ERMP1: variants seen among roughly 807,000 people sequenced by gnomAD.
The protein encoded by ERMP1 is endoplasmic reticulum metallopeptidase 1, also known as Felix-ina.
ERMP1 carries 86 observed loss-of-function variants against 92.0 expected under a neutral mutation model. The ratio of observed to expected loss-of-function variants is 0.93; its 90% CI spans 0.79 to 1.12. The LOEUF (loss-of-function observed/expected upper bound fraction) is 1.12. ERMP1 is among the 50% of genes most tolerant of loss of function. The pLI is 0.00. For synonymous variants in ERMP1, 530 were observed against 412.8 expected (o/e 1.28, Z -3.44); for missense variants, 1,342 against 1,116.3 (o/e 1.20, Z -2.88).
chr9:5,816,513 T>TGC (rs574246932), intron 4 of ERMP1, among the ~76,000 whole-genome samples: 3 of 152,242 alleles, frequency 2.0e-5, no homozygotes, highest in Middle Eastern at 3.2e-3. Context: ...GGATTCAGTT[T>TGC]GCTAATACTT....
At chr9:5,808,114 T>C (rs939213837) in intron 8 of ERMP1, among the ~76,000 whole-genome samples, 1 of 152,200 alleles carries the variant, frequency 6.6e-6, no homozygotes, top group African/African-American at 2.4e-5. Context: ...TAAGCCACCA[T>C]GCCCAGTCTC....
chr9:5,799,877 ACCT>A (rs1828602807), intron 11 of ERMP1, among the ~76,000 whole-genome samples: 1 of 152,086 alleles, frequency 6.6e-6, no homozygotes, highest in African/African-American at 2.4e-5. Flanking sequence ...AACACACTGA[ACCT>A]CCTAAAAAAA....
chr9:5,836,726 T>G (rs13291408), upstream of ERMP1, among the ~76,000 whole-genome samples: 3,020 of 152,240 alleles, frequency 0.02, 33 homozygotes, highest in Non-Finnish European at 0.025. Context: ...AGCTCTGAAA[T>G]GGAACATTCA....
intron 7 of ERMP1, 39 bp from the exon 8 acceptor site, chr9:5,810,270 C>T (rs887802632): frequency 6.7e-7 from 1 of 1,484,888 alleles, no homozygotes; most frequent in South Asian, 1.1e-5. Flanking sequence ...TCACCATCTT[C>T]ATCAAATCAG....
Position 5,832,904 on chromosome 9 carries a change from C to T in ERMP1, c.124G>A (p.Gly42Arg). ...EARAQEPLVDGCSGGGRTRKR... is the reference protein window; with the variant it reads ...EARAQEPLVDRCSGGGRTRKR... Reference sequence around the variant, plus strand: ...CGCGTCCTCCCGCCGCCGCTGCACCCATCCACCAGAGGCTCCTGCGCTCGG... The same window carrying T: ...CGCGTCCTCCCGCCGCCGCTGCACCTATCCACCAGAGGCTCCTGCGCTCGG... Residue 42 changes from glycine (G) to arginine (R), a missense_variant, in exon 1 of 15, where the codon GGG becomes AGG. Physicochemically the swap from Gly to Arg is moderately radical, Grantham distance 125. Transcript: ENST00000339450. 3 of 1,559,388 alleles carry T rather than the reference C, an allele frequency of 1.9e-6. No individual in the cohort carries two copies. Among genetic ancestry groups the T allele is most frequent in the Non-Finnish European group, 2.6e-6 (3 of 1,163,366 alleles).
rs756748361 is a variant in ERMP1 at position 5,833,010 on chromosome 9, C to G, written c.18G>C (p.Glu6Asp). 6.5e-7 allele frequency: 1 copy of G among 1,550,250 alleles called. No individual in the cohort carries two copies. Among genetic ancestry groups the G allele is most frequent in the Non-Finnish European group, 8.6e-7 (1 of 1,158,934 alleles). MEWGS[E>D]SAAVRRHRVG... Reference sequence around the variant, plus strand: ...CGCGGTGCCGCCTCACAGCAGCCGACTCAGAACCCCACTCCATGGCCACGA... The same window carrying G: ...CGCGGTGCCGCCTCACAGCAGCCGAGTCAGAACCCCACTCCATGGCCACGA... The change falls in exon 1 of 15, where the codon GAG (glutamate) becomes GAC (aspartate). Residue 6 changes from glutamate to aspartate, a missense_variant. By Grantham distance (45) the Glu-to-Asp change is conservative. Coordinates refer to ENST00000339450, the MANE Select transcript of ERMP1 (RefSeq NM_024896.3).
chr9:5,813,666 G>C (rs1288747301), intron 4 of ERMP1, among the ~76,000 whole-genome samples: 1 of 151,896 alleles, frequency 6.6e-6, no homozygotes, highest in South Asian at 2.1e-4. Flanking sequence ...TTTCAGATTA[G>C]GGATGCTCAA....
chr9:5,794,398 A>T (rs1224399355), intron 13 of ERMP1, among the ~76,000 whole-genome samples: 1 of 152,118 alleles, frequency 6.6e-6, no homozygotes, highest in Non-Finnish European at 1.5e-5. Context: ...GAACAAATTA[A>T]ATCCAAAGTA....
chr9:5,793,218 C>T (rs1372716041), intron 13 of ERMP1, among the ~76,000 whole-genome samples: 14 of 151,596 alleles, frequency 9.2e-5, no homozygotes, highest in East Asian at 1.9e-4. Context: ...TAAAAGTGGG[C>T]TTGCATAGCT....
intron 6 of ERMP1, among the ~76,000 whole-genome samples, chr9:5,848,617 G>C (rs1445380898): frequency 6.9e-6 from 1 of 145,658 alleles, no homozygotes; most frequent in Non-Finnish European, 1.5e-5. Flanking sequence ...TTTTCTACAA[G>C]GATTTAGGGA....
At chr9:5,831,371 T>G (rs1461745113) in intron 1 of ERMP1, among the ~76,000 whole-genome samples, 1 of 152,134 alleles carries the variant, frequency 6.6e-6, no homozygotes, top group Admixed American at 6.5e-5. Flanking sequence ...TTTCGGAGGC[T>G]GAGGTGGGTG....
At chr9:5,857,681 G>A (rs1405329892) in intron 6 of ERMP1, among the ~76,000 whole-genome samples, 1 of 152,154 alleles carries the variant, frequency 6.6e-6, no homozygotes, top group Admixed American at 6.5e-5. Flanking sequence ...GGGTAAGCAA[G>A]GGTGGACAGT....
chr9:5,822,567 G>C (rs1175747357), intron 4 of ERMP1, among the ~76,000 whole-genome samples: 1 of 152,138 alleles, frequency 6.6e-6, no homozygotes, highest in Non-Finnish European at 1.5e-5. Context: ...AATAAAATCA[G>C]GTCTTAAGAG....
At chr9:5,810,439 C>G (rs1306576479) in intron 7 of ERMP1, among the ~76,000 whole-genome samples, 2 of 152,098 alleles carry the variant, frequency 1.3e-5, no homozygotes, top group African/African-American at 4.8e-5. Context: ...TATTAAGAGT[C>G]TCTAGATACT....
chr9:5,816,231 A>T (rs976776203), intron 4 of ERMP1, among the ~76,000 whole-genome samples: 4 of 152,094 alleles, frequency 2.6e-5, no homozygotes, highest in Admixed American at 2.6e-4. Context: ...ATTTTTTTTT[A>T]AATGGTTAGG....
Position 5,789,847 on chromosome 9 carries a change from CTTTTTT to C in ERMP1, c.2387-2260_2387-2255del, listed in dbSNP as rs35893609. ...TACAGATGCATGCTACAAACCTGGC[CTTTTTT>C]TTTTTTTTTTGGTAGAGATGGGGTC... On this transcript the variant is annotated intron_variant, in intron 13 of 14. Transcript: ENST00000339450. 2.9e-5 allele frequency among the ~76,000 whole-genome samples: 4 copies of C among 136,624 alleles called. No homozygotes were observed. In the East Asian group the frequency reaches 8.9e-4, roughly 30 times the overall value. 89.6% of individuals were successfully genotyped at this position (136,624 alleles called of 152,430 possible). A position where few individuals can be genotyped will look rare whatever the true frequency, so the allele number is the denominator to read the frequency against.
chr9:5,787,709 A>G, intron 13 of ERMP1, 116 bp from the exon 14 acceptor site: 1 of 999,516 alleles, frequency 1.0e-6, no homozygotes, highest in Non-Finnish European at 1.5e-6. Context: ...AAATATACTT[A>G]CTATAAACCT....
At chr9:5,818,858 T>C (rs1043485827) in intron 4 of ERMP1, among the ~76,000 whole-genome samples, 2 of 152,220 alleles carry the variant, frequency 1.3e-5, no homozygotes, top group African/African-American at 2.4e-5. Flanking sequence ...AAAATGCACA[T>C]CTACATTCTC....
intron 4 of ERMP1, among the ~76,000 whole-genome samples, chr9:5,813,825 T>C (rs924999576): frequency 5.3e-5 from 8 of 150,086 alleles, no homozygotes; most frequent in Non-Finnish European, 1.2e-4. Context: ...GAGTTTTTCC[T>C]GTAGGATAGT....
Sources: gnomAD v4.1 joint callset for allele counts (sites outside exome capture counted in the v4.1 genomes callset) on GRCh38, gnomAD v4.1.1 for gene constraint, MANE v1.5 for transcripts, NCBI Gene and HGNC (gene_info 2026-07-23, HGNC 2026-07-21) for gene names.